TUNAR: variants seen among roughly 807,000 people sequenced by gnomAD.
TUNAR encodes transmembrane neural differentiation associated intracellular calcium regulator.
chr14:95,884,109 A>G (rs995668902), intron 2 of TUNAR, among the ~76,000 whole-genome samples: 6 of 151,872 alleles, frequency 4.0e-5, no homozygotes, highest in South Asian at 2.1e-4. Context: ...CTCTCTCTTC[A>G]CCACGCTTCC....
At chr14:95,877,294 C>G (rs916751931) in intron 2 of TUNAR, 117 bp downstream of exon 1, 1 of 152,328 alleles carries the variant, frequency 6.6e-6, no homozygotes, top group Non-Finnish European at 1.5e-5. Context: ...TCGGGGCTTC[C>G]GATTGAATCG....
At chr14:95,877,805 C>G (rs1294906707) in intron 2 of TUNAR, among the ~76,000 whole-genome samples, 1 of 152,252 alleles carries the variant, frequency 6.6e-6, no homozygotes, top group Non-Finnish European at 1.5e-5. Context: ...TTGCCTGTAG[C>G]AAGCACTTTT....
chr14:95,919,967 A>G (rs1218649114), intron 2 of TUNAR, among the ~76,000 whole-genome samples: 2 of 152,236 alleles, frequency 1.3e-5, no homozygotes, highest in Non-Finnish European at 2.9e-5. Flanking sequence ...AAGAATGTTC[A>G]TAGCAGCATT....
intron 2 of TUNAR, among the ~76,000 whole-genome samples, chr14:95,920,079 A>G (rs1035306638): frequency 2.3e-4 from 35 of 152,238 alleles, no homozygotes; most frequent in African/African-American, 7.2e-4. Context: ...CTGTTCACAT[A>G]TAAGAGTGAA....
intron 2 of TUNAR, among the ~76,000 whole-genome samples, chr14:95,907,975 G>T (rs941596657): frequency 6.6e-6 from 1 of 152,226 alleles, no homozygotes; most frequent in African/African-American, 2.4e-5. Context: ...GTGTGTGTCA[G>T]TTGGTCCATG....
chr14:95,911,181 C>T (rs1889506770), intron 2 of TUNAR, among the ~76,000 whole-genome samples: 1 of 152,192 alleles, frequency 6.6e-6, no homozygotes, highest in African/African-American at 2.4e-5. Context: ...AGGACAGCCC[C>T]CTCACCATGC....
intron 2 of TUNAR, among the ~76,000 whole-genome samples, chr14:95,887,423 C>G (rs1889096091): frequency 6.6e-6 from 1 of 152,172 alleles, no homozygotes; most frequent in African/African-American, 2.4e-5. Flanking sequence ...CTCACCTTAT[C>G]AAGTAGGTTC....
At chr14:95,898,716 A>G (rs937847685) in intron 2 of TUNAR, among the ~76,000 whole-genome samples, 1 of 151,494 alleles carries the variant, frequency 6.6e-6, no homozygotes, top group Non-Finnish European at 1.5e-5. Context: ...CCTGGAATCT[A>G]TTTTCGTTTT....
At chr14:95,915,665 C>T (rs1286736914) in intron 2 of TUNAR, among the ~76,000 whole-genome samples, 4 of 152,258 alleles carry the variant, frequency 2.6e-5, no homozygotes, top group Non-Finnish European at 4.4e-5. Flanking sequence ...CTGAGTCCCC[C>T]TGCAGGGCTC....
chr14:95,921,716 C>T (rs755230102), intron 2 of TUNAR, among the ~76,000 whole-genome samples: 16 of 152,140 alleles, frequency 1.1e-4, no homozygotes, highest in Non-Finnish European at 1.9e-4. Context: ...CTGAGTTTTG[C>T]GCTAGTCACT....
intron 2 of TUNAR, among the ~76,000 whole-genome samples, chr14:95,882,306 T>C (rs1304861691): frequency 6.6e-6 from 1 of 152,200 alleles, no homozygotes; most frequent in Non-Finnish European, 1.5e-5. Context: ...AAGAGTAGCT[T>C]TGCAGAGTCA....
chr14:95,884,614 A>G (rs564857415), intron 2 of TUNAR, among the ~76,000 whole-genome samples: 1 of 152,304 alleles, frequency 6.6e-6, no homozygotes, highest in Admixed American at 6.5e-5. Context: ...ATGGGACTGC[A>G]TTGTCAAAGT....
At chr14:95,884,309 G>C (rs1343940881) in intron 2 of TUNAR, among the ~76,000 whole-genome samples, 1 of 151,962 alleles carries the variant, frequency 6.6e-6, no homozygotes, top group South Asian at 2.1e-4. Flanking sequence ...CCCACCACCT[G>C]CCCCCTTGCT....
At chr14:95,889,083 G>A (rs972414578) in intron 2 of TUNAR, among the ~76,000 whole-genome samples, 1 of 152,230 alleles carries the variant, frequency 6.6e-6, no homozygotes, top group East Asian at 1.9e-4. Context: ...TGCGAGTCCA[G>A]CTGCTGCTTC....
intron 2 of TUNAR, among the ~76,000 whole-genome samples, chr14:95,883,857 A>T (rs539959969): frequency 6.6e-6 from 1 of 152,270 alleles, no homozygotes; most frequent in East Asian, 1.9e-4. Context: ...ATATGGGTGG[A>T]CCTTGCTGCA....
chr14:95,922,799 A>G, exon 3 of TUNAR: 1 of 399,088 alleles, frequency 2.5e-6, no homozygotes, highest in Non-Finnish European at 4.4e-6. Context: ...GGCAAGGAAG[A>G]TAAAGACATT....
chr14:95,879,778 T>C (rs1888948915), intron 2 of TUNAR, among the ~76,000 whole-genome samples: 1 of 152,070 alleles, frequency 6.6e-6, no homozygotes, highest in Non-Finnish European at 1.5e-5. Context: ...CATGTTAAAA[T>C]ATGTTTTAAG....
At chr14:95,906,105 G>A (rs1292306643) in intron 2 of TUNAR, among the ~76,000 whole-genome samples, 3 of 152,106 alleles carry the variant, frequency 2.0e-5, no homozygotes, top group Admixed American at 6.5e-5. Context: ...GGCTTATCTT[G>A]TATGTTCCCT....
At chr14:95,894,123 GGGTTAGCGTCT>G (rs1566787211) in intron 2 of TUNAR, among the ~76,000 whole-genome samples, 1 of 152,254 alleles carries the variant, frequency 6.6e-6, no homozygotes, top group Non-Finnish European at 1.5e-5. Context: ...CATCCAAGCT[GGGTTAGCGTCT>G]GGCTTCGAGC....
Sources: gnomAD v4.1 joint callset for allele counts (sites outside exome capture counted in the v4.1 genomes callset) on GRCh38, gnomAD v4.1.1 for gene constraint, MANE v1.5 for transcripts, NCBI Gene and HGNC (gene_info 2026-07-23, HGNC 2026-07-21) for gene names.